The following WDR49 variants were observed in gnomAD, a reference collection of about 807,000 sequenced individuals.
WDR49 encodes the protein WD repeat domain 49, also known as cilia- and flagella-associated protein 337.
In WDR49, 107 loss-of-function variants were observed where a neutral mutation model predicts 119.5. That is an observed-to-expected ratio of 0.90 (90% confidence interval 0.77 to 1.05). The LOEUF (loss-of-function observed/expected upper bound fraction) is 1.05, where lower values mean the gene tolerates loss of function less well. WDR49 is among the 50% of genes least tolerant of loss of function. The pLI, the probability that WDR49 is intolerant of heterozygous loss-of-function variation, is 0.00. For missense variants in WDR49, 1,240 were observed against 1,220.5 expected (o/e 1.02, Z -0.24); for synonymous variants, 425 against 418.8 (o/e 1.01, Z -0.18).
intron 8 of WDR49, among the ~76,000 whole-genome samples, chr3:167,574,260 T>C (rs1469369343): frequency 6.6e-6 from 1 of 152,246 alleles, no homozygotes; most frequent in Non-Finnish European, 1.5e-5. Flanking sequence ...TAATTCTTCA[T>C]TCTTGGTACG....
In WDR49 at chr3:167,653,356, T is replaced by A. The variant is rs772727331; in HGVS notation, c.70A>T (p.Thr24Ser). ...TCTTCAAATGCAGTTACACCTTCTG[T>A]TCTCTCAGGACTCTTTGGCCCAAGC... ...SQLGPKSPER[T>S]EGVTAFEDYG... is the part of the protein sequence containing the mutation. Residue 24 changes from threonine (T) to serine (S), a missense_variant, in exon 2 of 19, where the codon ACA becomes TCA. Transcript: ENST00000682715. 3.5e-5 allele frequency: 53 copies of A among 1,535,984 alleles called. 1 individual carries two copies. In the South Asian group the frequency reaches 6.3e-4, roughly 18 times the overall value.
upstream of WDR49, among the ~76,000 whole-genome samples, chr3:167,656,675 A>G (rs541138951): frequency 6.6e-6 from 1 of 152,354 alleles, no homozygotes; most frequent in South Asian, 2.1e-4. Context: ...ATGACATTAG[A>G]AATAATTCTT....
chr3:167,578,658 T>C (rs1248466005), intron 7 of WDR49, among the ~76,000 whole-genome samples: 2 of 152,156 alleles, frequency 1.3e-5, no homozygotes, highest in Non-Finnish European at 2.9e-5. Context: ...TGTAAGCACC[T>C]AAAAATCTTT....
At chr3:167,574,675 T>C (rs905482660) in intron 8 of WDR49, among the ~76,000 whole-genome samples, 2 of 152,196 alleles carry the variant, frequency 1.3e-5, no homozygotes, top group African/African-American at 4.8e-5. Flanking sequence ...AGATCTTCTT[T>C]GTGTCTAATT....
chr3:167,531,815 C>T (rs935498644), intron 12 of WDR49, among the ~76,000 whole-genome samples: 4 of 152,152 alleles, frequency 2.6e-5, no homozygotes, highest in African/African-American at 9.7e-5. Flanking sequence ...ATATTCGTCT[C>T]AGAATCTAGG....
At chr3:167,642,545 A>G (rs1476342444) in intron 2 of WDR49, among the ~76,000 whole-genome samples, 2 of 151,988 alleles carry the variant, frequency 1.3e-5, no homozygotes, top group Non-Finnish European at 2.9e-5. Flanking sequence ...CATTAGTTTT[A>G]AAAATATGTA....
At chr3:167,587,017 A>G (rs1433285147) in intron 7 of WDR49, among the ~76,000 whole-genome samples, 1 of 152,170 alleles carries the variant, frequency 6.6e-6, no homozygotes, top group Non-Finnish European at 1.5e-5. Flanking sequence ...GGGACCTGGT[A>G]TATATATGGT....
chr3:167,654,258 A>C (rs1446280768), upstream of WDR49, among the ~76,000 whole-genome samples: 1 of 152,154 alleles, frequency 6.6e-6, no homozygotes, highest in African/African-American at 2.4e-5. Flanking sequence ...TTTTATACAC[A>C]GAAAATGTTT....
At chr3:167,613,051 T>C (rs1254766861) in intron 5 of WDR49, among the ~76,000 whole-genome samples, 2 of 152,154 alleles carry the variant, frequency 1.3e-5, no homozygotes, top group African/African-American at 2.4e-5. Context: ...TAGAGTGTAA[T>C]TGGATTGTTT....
At chr3:167,595,584 T>A (rs1183802140) in intron 7 of WDR49, among the ~76,000 whole-genome samples, 1 of 152,180 alleles carries the variant, frequency 6.6e-6, no homozygotes, top group Non-Finnish European at 1.5e-5. Flanking sequence ...AACTATCTGA[T>A]CTTTGACAAA....
At chr3:167,511,437 T>A (rs903279466) in intron 16 of WDR49, among the ~76,000 whole-genome samples, 1 of 152,220 alleles carries the variant, frequency 6.6e-6, no homozygotes, top group Admixed American at 6.5e-5. Flanking sequence ...AATCTTATAA[T>A]CAACATGAGA....
intron 3 of WDR49, among the ~76,000 whole-genome samples, chr3:167,624,378 C>T (rs1168501016): frequency 6.6e-6 from 1 of 151,052 alleles, no homozygotes; most frequent in African/African-American, 2.4e-5. Context: ...AAGGAGTACA[C>T]ACAGTATGGT....
At chr3:167,604,684 C>T (rs1715958257) in intron 5 of WDR49, among the ~76,000 whole-genome samples, 1 of 152,088 alleles carries the variant, frequency 6.6e-6, no homozygotes, top group Admixed American at 6.6e-5. Flanking sequence ...TGACTTTTCC[C>T]CCAATCTAGG....
At chr3:167,590,386 G>T (rs1715044126) in intron 7 of WDR49, among the ~76,000 whole-genome samples, 1 of 152,062 alleles carries the variant, frequency 6.6e-6, no homozygotes, top group East Asian at 1.9e-4. Flanking sequence ...TCTGTGTCTG[G>T]TTTCGGTATC....
At position 167,604,297 on chromosome 3, in the gene WDR49, C is replaced by T. The variant is rs1445355244; in HGVS notation, c.1126+4G>A. ...TCATAGTTATCATGATTTATTTTACCTACCAATTAAATTGAGCCGAGAGTG... is the reference window on the plus strand; with the variant it reads ...TCATAGTTATCATGATTTATTTTACTTACCAATTAAATTGAGCCGAGAGTG... On this transcript the variant is annotated splice_donor_region_variant and intron_variant, in intron 6 of 18. Coordinates refer to ENST00000682715, the MANE Select transcript of WDR49 (RefSeq NM_001366157.1). The T allele has an allele frequency of 1.2e-6, 2 of 1,612,674 alleles. No individual in the cohort carries two copies.
intron 5 of WDR49, among the ~76,000 whole-genome samples, chr3:167,608,125 A>G (rs1383495564): frequency 6.6e-6 from 1 of 152,214 alleles, no homozygotes; most frequent in African/African-American, 2.4e-5. Flanking sequence ...AAGTTCCAAT[A>G]GTATAAAATC....
intron 7 of WDR49, among the ~76,000 whole-genome samples, chr3:167,600,008 C>T (rs1715680082): frequency 6.6e-6 from 1 of 152,020 alleles, no homozygotes; most frequent in African/African-American, 2.4e-5. Context: ...CCCTTCTGGC[C>T]CAGGATATGT....
intron 5 of WDR49, among the ~76,000 whole-genome samples, chr3:167,617,481 G>A (rs1415637687): frequency 6.6e-6 from 1 of 152,146 alleles, no homozygotes; most frequent in Non-Finnish European, 1.5e-5. Context: ...AGCCAAGATC[G>A]CACCACTGCA....
At chr3:167,511,311 A>G (rs1577207286) in intron 16 of WDR49, among the ~76,000 whole-genome samples, 1 of 152,238 alleles carries the variant, frequency 6.6e-6, no homozygotes, top group Non-Finnish European at 1.5e-5. Flanking sequence ...TTAGATTAAG[A>G]CAGAAATTTT....
Sources: gnomAD v4.1 joint callset for allele counts (sites outside exome capture counted in the v4.1 genomes callset) on GRCh38, gnomAD v4.1.1 for gene constraint, MANE v1.5 for transcripts, NCBI Gene and HGNC (gene_info 2026-07-23, HGNC 2026-07-21) for gene names.